The following PPTC7 variants were observed in gnomAD, a reference collection of about 807,000 sequenced individuals.
PPTC7 encodes the protein protein phosphatase PTC7 homolog.
A neutral mutation model predicts 30.8 loss-of-function variants in PPTC7; 6 were observed. The observed-to-expected ratio is 0.19, with a 90% CI of 0.11 to 0.38. PPTC7 has a LOEUF of 0.38. PPTC7 is among the 10% of genes least tolerant of loss of function. The pLI is 1.00. For synonymous variants in PPTC7, 163 were observed against 168.1 expected (o/e 0.97, Z 0.23); for missense variants, 218 against 404.8 (o/e 0.54, Z 3.96).
At chr12:110,545,432 T>A (rs1456268600) in intron 3 of PPTC7, among the ~76,000 whole-genome samples, 1 of 152,238 alleles carries the variant, frequency 6.6e-6, no homozygotes, top group Non-Finnish European at 1.5e-5. Flanking sequence ...CAAGTTCTAT[T>A]TGATGCATGT....
intron 1 of PPTC7, among the ~76,000 whole-genome samples, chr12:110,558,678 T>A (rs1283309849): frequency 1.3e-5 from 2 of 152,254 alleles, no homozygotes; most frequent in Admixed American, 6.5e-5. Context: ...CAGGCTGGAG[T>A]GCAGTGGTGC....
At chr12:110,545,739 A>G (rs574475347) in intron 3 of PPTC7, 141 bp downstream of exon 3, 9 of 715,482 alleles carry the variant, frequency 1.3e-5, no homozygotes, top group Admixed American at 1.1e-4. Flanking sequence ...TCAAAGTTAA[A>G]CTAAAAGGTC....
rs558383641 is a variant in PPTC7, at chr12:110,559,597, G to A, written c.224-7629C>T. Among the ~76,000 whole-genome samples the A allele has an allele frequency of 6.0e-4, 91 of 151,626 alleles. 1 individual carries two copies. In the East Asian group the frequency reaches 0.013, roughly 21 times the overall value. On this transcript the variant is annotated intron_variant, in intron 1 of 5. Coordinates refer to ENST00000354300, the MANE Select transcript of PPTC7 (RefSeq NM_139283.2). The stretch of plus-strand genomic sequence containing the variant: ...AAAAATTAGCTGGGTGTGGTGGTGC[G>A]TGCCTGTAATCCCAGCTTCTTGGGA...
Position 110,538,187 on chromosome 12 carries a change from T to G in PPTC7, c.813A>C (p.Ser271=). ...TGTCACATGCAAACTGTGCAAAAGG[T>G]GACATATAATTTGGGTCATAGGCCA... ...HELAYDPNYM[S]PFAQFACDNG... The change falls in exon 5 of 6, where the codon TCA becomes TCC. Residue 271 remains serine (S), a synonymous_variant. Transcript: ENST00000354300. 6.2e-7 allele frequency: 1 copy of G among 1,614,148 alleles called. No individual in the cohort carries two copies. The highest frequency in any genetic ancestry group is 8.5e-7 in the Non-Finnish European group (1 of 1,180,012).
At chr12:110,546,213 G>T in intron 2 of PPTC7, 135 bp from the exon 3 acceptor site, 1 of 670,260 alleles carries the variant, frequency 1.5e-6, no homozygotes, top group Non-Finnish European at 2.6e-6. Context: ...TCTTAGTTAT[G>T]CTCCACATCC....
intron 1 of PPTC7, among the ~76,000 whole-genome samples, chr12:110,578,739 G>T (rs1477775766): frequency 6.6e-6 from 1 of 152,110 alleles, no homozygotes; most frequent in Non-Finnish European, 1.5e-5. Flanking sequence ...GAACCAAAAG[G>T]TTCAAAAGCA....
chr12:110,546,278 G>GAAA (rs1176945391), intron 2 of PPTC7, 200 bp from the exon 3 acceptor site: 6 of 579,406 alleles, frequency 1.0e-5, no homozygotes, highest in Non-Finnish European at 1.9e-5. Context: ...GAAAGAAAAA[G>GAAA]GATTTGTATT....
chr12:110,574,141 TAAAAAAAAAAAAAAAAAAAA>T (rs58133391), intron 1 of PPTC7, among the ~76,000 whole-genome samples: 1 of 37,442 alleles, frequency 2.7e-5, no homozygotes, highest in Non-Finnish European at 4.7e-5. Flanking sequence ...CCACAATAAT[TAAAAAAAAAAAAAAAAAAAA>T]AAAAAAAAAA....
chr12:110,572,950 G>A (rs989446125), intron 1 of PPTC7, among the ~76,000 whole-genome samples: 1 of 152,140 alleles, frequency 6.6e-6, no homozygotes, highest in South Asian at 2.1e-4. Context: ...CATGATCTCA[G>A]CTCACCGCAA....
chr12:110,575,057 T>G (rs1052903782), intron 1 of PPTC7, among the ~76,000 whole-genome samples: 1 of 151,722 alleles, frequency 6.6e-6, no homozygotes, highest in African/African-American at 2.4e-5. Flanking sequence ...CCCAAAGTTC[T>G]GGGATTATAG....
chr12:110,567,989 AC>A (rs1252249060), intron 1 of PPTC7, among the ~76,000 whole-genome samples: 1 of 72,678 alleles, frequency 1.4e-5, no homozygotes, highest in Non-Finnish European at 2.9e-5. Flanking sequence ...CTCCCCACCC[AC>A]CCCCCAAAAA....
intron 1 of PPTC7, among the ~76,000 whole-genome samples, chr12:110,556,302 A>G (rs1168368644): frequency 6.6e-6 from 1 of 152,240 alleles, no homozygotes; most frequent in African/African-American, 2.4e-5. Context: ...AAACTCTTCA[A>G]TAAAGCTGCA....
At chr12:110,555,092 T>C (rs991210643) in intron 1 of PPTC7, among the ~76,000 whole-genome samples, 2 of 152,186 alleles carry the variant, frequency 1.3e-5, no homozygotes, top group African/African-American at 4.8e-5. Flanking sequence ...TGCCTATATA[T>C]ACATCCCTGA....
rs144481515 is a variant in PPTC7, at chr12:110,539,917, C to T, written c.631G>A (p.Asp211Asn). Residue 211 changes from aspartate to asparagine, a missense_variant, in exon 4 of 6, where the codon GAT becomes AAT. Coordinates refer to ENST00000354300, the MANE Select transcript of PPTC7 (RefSeq NM_139283.2). ...SPDAADSTSF[D>N]VQLGDIILTA... ...AGGATAATGTCTCCTAGCTGGACAT[C>T]GAAAGACGTGCTATCAGCAGCATCC... 5.6e-6 allele frequency: 9 copies of T among 1,614,004 alleles called. No individual in the cohort carries two copies. Among genetic ancestry groups the T allele is most frequent in the East Asian group, 2.2e-5 (1 of 44,878 alleles).
intron 1 of PPTC7, among the ~76,000 whole-genome samples, chr12:110,577,918 C>G (rs972815958): frequency 3.9e-5 from 6 of 152,156 alleles, no homozygotes; most frequent in Non-Finnish European, 8.8e-5. Flanking sequence ...AACACACACA[C>G]ACACACACCC....
rs1285555454 is a variant in PPTC7, at chr12:110,539,845, G to C, written c.703C>G (p.Leu235Val). 1 of 1,613,938 alleles carries C rather than the reference G, an allele frequency of 6.2e-7. No individual in the cohort carries two copies. The highest frequency in any genetic ancestry group is 8.5e-7 in the Non-Finnish European group (1 of 1,179,894). Residue 235 changes from leucine (L) to valine (V), a missense_variant, in exon 4 of 6, where the codon CTT becomes GTT. Coordinates refer to ENST00000354300, the MANE Select transcript of PPTC7 (RefSeq NM_139283.2). ...ACCTTTAACTTTTTTAGCTCCTGAAGAATCATATAATCAGGCATGTTGTCA... is the reference window on the plus strand; with the variant it reads ...ACCTTTAACTTTTTTAGCTCCTGAACAATCATATAATCAGGCATGTTGTCA... ...LFDNMPDYMILQELKKLKNSN... is the reference protein window; with the variant it reads ...LFDNMPDYMIVQELKKLKNSN...
At chr12:110,568,761 C>T (rs1180360590) in intron 1 of PPTC7, among the ~76,000 whole-genome samples, 2 of 152,142 alleles carry the variant, frequency 1.3e-5, no homozygotes, top group Non-Finnish European at 2.9e-5. Context: ...CCAAAAACTC[C>T]AAAGGGATTG....
intron 3 of PPTC7, among the ~76,000 whole-genome samples, chr12:110,544,517 T>C (rs1192365992): frequency 6.6e-6 from 1 of 152,198 alleles, no homozygotes; most frequent in African/African-American, 2.4e-5. Flanking sequence ...TAAGAAAAGA[T>C]AAACTGTAAA....
intron 1 of PPTC7, among the ~76,000 whole-genome samples, chr12:110,562,662 G>T (rs554254767): frequency 1.3e-5 from 2 of 151,494 alleles, no homozygotes; most frequent in Non-Finnish European, 2.9e-5. Flanking sequence ...GTATGGTGGC[G>T]CATGACTGTA....
Sources: gnomAD v4.1 joint callset for allele counts (sites outside exome capture counted in the v4.1 genomes callset) on GRCh38, gnomAD v4.1.1 for gene constraint, MANE v1.5 for transcripts, NCBI Gene and HGNC (gene_info 2026-07-23, HGNC 2026-07-21) for gene names.